The following SLC9A3 variants were observed in gnomAD, a reference collection of about 807,000 sequenced individuals.
SLC9A3 encodes solute carrier family 9 member A3.
In SLC9A3, 37 loss-of-function variants were observed where a neutral mutation model predicts 86.8. The observed-to-expected ratio is 0.43, with a 90% CI of 0.33 to 0.56. The LOEUF (loss-of-function observed/expected upper bound fraction) is 0.56, where lower values mean the gene tolerates loss of function less well. Ranked by LOEUF, SLC9A3 falls within the 20% of genes least tolerant of loss-of-function variation. The probability of loss-of-function intolerance (pLI) is 0.06; values close to 1 mark genes in which losing one functional copy is unlikely to be tolerated. For missense variants in SLC9A3, 1,011 were observed against 1,171.9 expected (o/e 0.86, Z 2.00); for synonymous variants, 581 against 528.3 (o/e 1.10, Z -1.37).
At chr5:514,685 T>C (rs1000907977) in intron 1 of SLC9A3, among the ~76,000 whole-genome samples, 2 of 152,236 alleles carry the variant, frequency 1.3e-5, no homozygotes, top group African/African-American at 2.4e-5. Flanking sequence ...CCGCAGTAGC[T>C]GCTGTTCTTC....
chr5:507,281 C>G (rs1740638630), intron 1 of SLC9A3, among the ~76,000 whole-genome samples: 1 of 139,984 alleles, frequency 7.1e-6, no homozygotes, highest in Admixed American at 7.2e-5. Flanking sequence ...CATTCTCCTG[C>G]CTCAGCCTCC....
intron 1 of SLC9A3, among the ~76,000 whole-genome samples, chr5:501,162 C>G (rs189410317): frequency 1.3e-5 from 2 of 152,208 alleles, no homozygotes; most frequent in East Asian, 3.9e-4. Flanking sequence ...CGCTGGCAAA[C>G]CAGACATTTC....
intron 1 of SLC9A3, among the ~76,000 whole-genome samples, chr5:504,402 A>G (rs1258580368): frequency 6.6e-6 from 1 of 152,186 alleles, no homozygotes; most frequent in Admixed American, 6.5e-5. Flanking sequence ...GGCGGTGGAC[A>G]TGCAGGGTCC....
chr5:500,567 G>A (rs1740219092), intron 1 of SLC9A3, among the ~76,000 whole-genome samples: 1 of 149,430 alleles, frequency 6.7e-6, no homozygotes, highest in South Asian at 2.1e-4. Context: ...GGGTCAGTGT[G>A]GACACAGGGC....
intron 4 of SLC9A3, 59 bp from the exon 5 acceptor site, chr5:484,756 G>C: frequency 6.4e-7 from 1 of 1,557,232 alleles, no homozygotes; most frequent in East Asian, 2.3e-5. Context: ...CTTGCCAGGG[G>C]CCGCCTGGTG....
At chr5:473,578 A>G (rs1738522963) in intron 16 of SLC9A3, among the ~76,000 whole-genome samples, 196 bp from the exon 17 acceptor site, 1 of 151,918 alleles carries the variant, frequency 6.6e-6, no homozygotes, top group Non-Finnish European at 1.5e-5. Flanking sequence ...GCAACAGCGA[A>G]GCCCCAGCCC....
In SLC9A3 at chr5:470,645, G is replaced by A. The variant is rs1053299; in HGVS notation, c.*2734C>T. Reference sequence around the variant, plus strand: ...CGTCATTTTGTGATTAGAATTACACGAAATTTGATTAATATTATAGCTGCA... The same window carrying A: ...CGTCATTTTGTGATTAGAATTACACAAAATTTGATTAATATTATAGCTGCA... On this transcript the variant is annotated 3_prime_UTR_variant, in exon 17 of 17. Coordinates refer to ENST00000264938, the MANE Select transcript of SLC9A3 (RefSeq NM_004174.4). 0.87 allele frequency: 132,634 copies of A among 152,380 alleles called. 58,133 individuals carry two copies. Among genetic ancestry groups the A allele is most frequent in the African/African-American group, 0.91 (37,929 of 41,550 alleles). The allele number at this position is 152,380 out of a possible 1,614,324, so 9.4% of individuals were successfully genotyped here.
At chr5:510,737 G>A (rs1281760472) in intron 1 of SLC9A3, among the ~76,000 whole-genome samples, 2 of 152,208 alleles carry the variant, frequency 1.3e-5, no homozygotes, top group Admixed American at 1.3e-4. Context: ...CAGCTGCCTG[G>A]GGAATCCTGC....
At chr5:504,803 C>T (rs1226681754) in intron 1 of SLC9A3, among the ~76,000 whole-genome samples, 5 of 152,298 alleles carry the variant, frequency 3.3e-5, no homozygotes, top group South Asian at 2.1e-4. Flanking sequence ...TCATGGGGGC[C>T]GGGCCAGAGG....
chr5:497,050 CA>C lies in SLC9A3; in HGVS notation c.212-4980del, dbSNP rs549749197. ...AGCCTGGGCGACGGAGGCCTTGTCT[CA>C]AAAAAAAAATTTTTTTTTTACTTGA... is the stretch of plus-strand genomic sequence containing the variant. On this transcript the variant is annotated intron_variant, in intron 1 of 16. Transcript: ENST00000264938. This position sits in a 1 kb window ranked among gnomAD's most constrained non-coding sequence, Gnocchi z 5.4. 6.7e-5 allele frequency among the ~76,000 whole-genome samples: 10 copies of C among 150,094 alleles called. No individual in the cohort carries two copies. Among genetic ancestry groups the C allele is most frequent in the African/African-American group, 2.2e-4 (9 of 40,780 alleles).
At chr5:515,610 C>A (rs1733706225) in intron 1 of SLC9A3, among the ~76,000 whole-genome samples, 1 of 151,946 alleles carries the variant, frequency 6.6e-6, no homozygotes, top group African/African-American at 2.4e-5. Flanking sequence ...ACCTGCTGCT[C>A]CTGCTTATCC....
intron 1 of SLC9A3, among the ~76,000 whole-genome samples, chr5:498,993 C>T (rs1018807357): frequency 6.6e-6 from 1 of 152,206 alleles, no homozygotes; most frequent in Non-Finnish European, 1.5e-5. Flanking sequence ...CAGGCCTCTC[C>T]TTGGTGACCC....
chr5:488,366 G>T lies in SLC9A3; in HGVS notation c.625C>A (p.Leu209Met). 1 of 1,612,702 alleles carries T rather than the reference G, an allele frequency of 6.2e-7. No homozygotes were observed. The highest frequency in any genetic ancestry group is 8.5e-7 in the Non-Finnish European group (1 of 1,179,854). Residue 209 changes from leucine to methionine, a missense_variant, in exon 3 of 17, where the codon CTG becomes ATG. Leu to Met is a conservative substitution (Grantham distance 15). Transcript: ENST00000264938. ...VFEEVHVNEV[L>M]FIIVFGESLL... is the part of the protein sequence containing the mutation. ...GACTCCCCGAAGACGATGATGAACA[G>T]GACCTCGTTGACATGGACCTCCTCA... is the stretch of plus-strand genomic sequence containing the variant.
At chr5:473,449 G>C in intron 16 of SLC9A3, 67 bp from the exon 17 acceptor site, 1 of 1,280,516 alleles carries the variant, frequency 7.8e-7, no homozygotes, top group Non-Finnish European at 9.9e-7. Flanking sequence ...GCGTCCCCGG[G>C]GGCCTCAGCT....
intron 1 of SLC9A3, among the ~76,000 whole-genome samples, chr5:502,827 G>A (rs997723027): frequency 1.3e-5 from 2 of 151,424 alleles, no homozygotes; most frequent in Admixed American, 6.6e-5. Context: ...ACAGACGGGC[G>A]CCGAAAGCCG....
At chr5:476,814 G>A in intron 11 of SLC9A3, 142 bp from the exon 12 acceptor site, 1 of 1,007,948 alleles carries the variant, frequency 9.9e-7, no homozygotes, top group Non-Finnish European at 1.5e-6. Flanking sequence ...CCCGGCTGGG[G>A]CACGGGGACA....
chr5:505,696 T>TGG (rs528335591), intron 1 of SLC9A3, among the ~76,000 whole-genome samples: 1 of 7,524 alleles, frequency 1.3e-4, no homozygotes, highest in East Asian at 2.5e-3. Context: ...GGAGAGTGAC[T>TGG]GGGGGGTGGG....
chr5:501,282 C>T (rs1160460132), intron 1 of SLC9A3, among the ~76,000 whole-genome samples: 2 of 152,184 alleles, frequency 1.3e-5, no homozygotes, highest in African/African-American at 4.8e-5. Context: ...CTTGGTCAGG[C>T]CCAGGGCCTC....
intron 1 of SLC9A3, among the ~76,000 whole-genome samples, chr5:508,648 A>C (rs1740729070): frequency 6.6e-6 from 1 of 150,990 alleles, no homozygotes; most frequent in African/African-American, 2.4e-5. Context: ...GGGGAGACAC[A>C]GCCCATAGCG....
Sources: gnomAD v4.1 joint callset for allele counts (sites outside exome capture counted in the v4.1 genomes callset) on GRCh38, gnomAD v4.1.1 for gene constraint, Gnocchi (gnomAD v3.1) non-coding constraint, MANE v1.5 for transcripts, NCBI Gene and HGNC (gene_info 2026-07-23, HGNC 2026-07-21) for gene names.